Variants in FBXL13 observed in about 807,000 individuals in gnomAD.
FBXL13 encodes the protein F-box and leucine-rich repeat protein 13.
Under a neutral mutation model 83.6 loss-of-function variants are expected in FBXL13, and 67 were observed. The ratio of observed to expected loss-of-function variants is 0.80; its 90% CI spans 0.66 to 0.98. The LOEUF is 0.98. Among genes scored for constraint, FBXL13 ranks in the 50% least tolerant of loss-of-function variants. The probability of loss-of-function intolerance (pLI) is 0.00; values close to 1 mark genes in which losing one functional copy is unlikely to be tolerated. For missense variants in FBXL13, 822 were observed against 866.5 expected (o/e 0.95, Z 0.64); for synonymous variants, 272 against 299.5 (o/e 0.91, Z 0.95).
intron 17 of FBXL13, among the ~76,000 whole-genome samples, chr7:102,840,805 T>C (rs576422201): frequency 4.2e-4 from 64 of 152,138 alleles, no homozygotes; most frequent in Non-Finnish European, 6.8e-4. Flanking sequence ...AGTTTCTTCA[T>C]ATATAAGAGG....
intron 11 of FBXL13, among the ~76,000 whole-genome samples, chr7:102,910,716 A>C (rs1013530187): frequency 6.6e-6 from 1 of 152,160 alleles, no homozygotes; most frequent in African/African-American, 2.4e-5. Context: ...GTGACAGCCA[A>C]CACTCCTAAC....
chr7:102,989,678 A>G (rs1033929465), intron 6 of FBXL13, among the ~76,000 whole-genome samples: 2 of 152,230 alleles, frequency 1.3e-5, no homozygotes, highest in African/African-American at 4.8e-5. Flanking sequence ...CAGGGATGAA[A>G]GAATGAAGTA....
intron 19 of FBXL13, among the ~76,000 whole-genome samples, chr7:102,818,702 G>C (rs1396336286): frequency 6.6e-6 from 1 of 152,194 alleles, no homozygotes; most frequent in Non-Finnish European, 1.5e-5. Context: ...AGGCCACTAA[G>C]ACTTTCTCTA....
intron 17 of FBXL13, among the ~76,000 whole-genome samples, chr7:102,839,091 T>C (rs974486178): frequency 2.0e-5 from 3 of 152,244 alleles, no homozygotes; most frequent in Non-Finnish European, 4.4e-5. Context: ...AACCGCCCTA[T>C]GGCGGGAGAC....
intron 8 of FBXL13, chr7:102,944,271 C>T (rs202172999): frequency 2.2e-5 from 36 of 1,613,322 alleles, no homozygotes; most frequent in African/African-American, 1.3e-5. Context: ...GTCTGCAAAA[C>T]TTTGACTATG....
intron 2 of FBXL13, among the ~76,000 whole-genome samples, chr7:103,044,275 T>C (rs1796051246): frequency 6.6e-6 from 1 of 152,200 alleles, no homozygotes; most frequent in Non-Finnish European, 1.5e-5. Flanking sequence ...TCTTGTCCAT[T>C]ACAAGAGATG....
At chr7:102,965,304 TAAC>T (rs1237220575) in intron 7 of FBXL13, among the ~76,000 whole-genome samples, 2 of 152,186 alleles carry the variant, frequency 1.3e-5, no homozygotes, top group African/African-American at 4.8e-5. Flanking sequence ...GGCTATGACT[TAAC>T]TAAGGCTTAG....
At chr7:102,942,486 T>A (rs1008227373) in intron 8 of FBXL13, 36 of 561,178 alleles carry the variant, frequency 6.4e-5, no homozygotes, top group African/African-American at 6.2e-4. Flanking sequence ...AGACTAAAAC[T>A]AGTTTTCTCA....
chr7:102,975,095 C>T (rs145759181), intron 6 of FBXL13, among the ~76,000 whole-genome samples: 2 of 152,288 alleles, frequency 1.3e-5, no homozygotes, highest in Non-Finnish European at 2.9e-5. Context: ...TCCTTCTCTC[C>T]CACCCATACT....
chr7:102,910,271 A>C (rs1236969215), intron 11 of FBXL13, among the ~76,000 whole-genome samples: 1 of 152,156 alleles, frequency 6.6e-6, no homozygotes, highest in Non-Finnish European at 1.5e-5. Flanking sequence ...CTGGCGATTC[A>C]GGACTATTGT....
At chr7:103,055,701 C>T (rs1159577230) in exon 2 of FBXL13, 2 of 1,285,982 alleles carry the variant, frequency 1.6e-6, no homozygotes, top group Non-Finnish European at 2.0e-6. Context: ...CTCTAAATAC[C>T]TCAGCGGATC....
intron 17 of FBXL13, among the ~76,000 whole-genome samples, chr7:102,843,700 C>T (rs1387845015): frequency 6.6e-6 from 1 of 152,142 alleles, no homozygotes; most frequent in Admixed American, 6.5e-5. Flanking sequence ...CGCTTGAACC[C>T]AGGCGGCGGA....
chr7:103,035,910 A>G (rs1412130270), intron 2 of FBXL13, among the ~76,000 whole-genome samples: 1 of 152,196 alleles, frequency 6.6e-6, no homozygotes, highest in Non-Finnish European at 1.5e-5. Flanking sequence ...ACATAGTATC[A>G]TTCTAGAATA....
intron 6 of FBXL13, among the ~76,000 whole-genome samples, chr7:103,008,265 ACTGGAGGAGGC>A (rs1418795349): frequency 6.6e-6 from 1 of 152,224 alleles, no homozygotes; most frequent in Non-Finnish European, 1.5e-5. Flanking sequence ...ACTATTCCAA[ACTGGAGGAGGC>A]CAAGGAGACA....
chr7:103,067,031 C>T (rs920334724), intron 1 of FBXL13, among the ~76,000 whole-genome samples: 10 of 151,790 alleles, frequency 6.6e-5, no homozygotes, highest in East Asian at 1.9e-4. Flanking sequence ...GTGATCTGCC[C>T]GCCTCGGCCT....
intron 8 of FBXL13, among the ~76,000 whole-genome samples, chr7:102,946,671 T>G (rs1822563945): frequency 6.6e-6 from 1 of 150,990 alleles, no homozygotes; most frequent in African/African-American, 2.4e-5. Flanking sequence ...TATTTATTTA[T>G]TTATTTATTT....
At chr7:103,041,098 A>G (rs967574346) in intron 2 of FBXL13, among the ~76,000 whole-genome samples, 11 of 152,166 alleles carry the variant, frequency 7.2e-5, no homozygotes, top group Non-Finnish European at 1.3e-4. Flanking sequence ...TAAAGAAGAA[A>G]AGAGAGAAGA....
intron 2 of FBXL13, among the ~76,000 whole-genome samples, chr7:103,034,460 C>T (rs1430370506): frequency 1.3e-5 from 2 of 152,238 alleles, no homozygotes; most frequent in African/African-American, 2.4e-5. Flanking sequence ...AAGCCCCTCA[C>T]TGCCCGGGGC....
intron 16 of FBXL13, among the ~76,000 whole-genome samples, chr7:102,864,004 C>T (rs1807259445): frequency 6.6e-6 from 1 of 152,142 alleles, no homozygotes. Flanking sequence ...AATTGCTCAT[C>T]CTTTCTTCAA....
Sources: gnomAD v4.1 joint callset for allele counts (sites outside exome capture counted in the v4.1 genomes callset) on GRCh38, gnomAD v4.1.1 for gene constraint, MANE v1.5 for transcripts, NCBI Gene and HGNC (gene_info 2026-07-23, HGNC 2026-07-21) for gene names.